Variants in CACNA2D3 observed in about 807,000 individuals in gnomAD.
The protein encoded by CACNA2D3 is voltage-dependent calcium channel subunit alpha-2/delta-3.
CACNA2D3 carries 60 observed loss-of-function variants against 160.6 expected under a neutral mutation model. The ratio of observed to expected loss-of-function variants is 0.37; its 90% CI spans 0.30 to 0.46. The LOEUF (loss-of-function observed/expected upper bound fraction) is 0.46, where lower values mean the gene tolerates loss of function less well. CACNA2D3 is among the 20% of genes least tolerant of loss of function. The probability of loss-of-function intolerance (pLI) is 1.00; values close to 1 mark genes in which losing one functional copy is unlikely to be tolerated. For missense variants in CACNA2D3, 1,205 were observed against 1,365.0 expected, an observed-to-expected ratio of 0.88 and a Z score of 1.85; for synonymous variants, 558 against 492.9, an observed-to-expected ratio of 1.13 and a Z score of -1.75.
chr3:54,727,074 A>G (rs545493524), intron 11 of CACNA2D3, among the ~76,000 whole-genome samples: 218 of 152,298 alleles, frequency 1.4e-3, no homozygotes, highest in African/African-American at 5.0e-3. Flanking sequence ...GAGAAAAACA[A>G]CCCCATCAAA....
chr3:55,060,699 T>C (rs1306233777), intron 35 of CACNA2D3, among the ~76,000 whole-genome samples: 2 of 152,172 alleles, frequency 1.3e-5, no homozygotes, highest in African/African-American at 2.4e-5. Context: ...AACTCCTTAC[T>C]CTTCTTAAGG....
chr3:54,999,021 C>T (rs1702921876), intron 31 of CACNA2D3, among the ~76,000 whole-genome samples: 1 of 152,170 alleles, frequency 6.6e-6, no homozygotes, highest in African/African-American at 2.4e-5. Context: ...GCTGGGATTA[C>T]AGGCGTGAGC....
intron 31 of CACNA2D3, among the ~76,000 whole-genome samples, chr3:55,003,786 ATCTTC>A (rs1478796976): frequency 3.9e-5 from 6 of 152,140 alleles, no homozygotes; most frequent in African/African-American, 9.7e-5. Flanking sequence ...ATGAATTGTA[ATCTTC>A]TCTTCTCTGG....
chr3:55,061,617 C>T (rs1173136683), intron 35 of CACNA2D3, among the ~76,000 whole-genome samples: 1 of 152,230 alleles, frequency 6.6e-6, no homozygotes, highest in African/African-American at 2.4e-5. Context: ...CAGGTTTTCT[C>T]TATGCATTTC....
At chr3:54,681,638 T>A (rs1282704249) in intron 11 of CACNA2D3, among the ~76,000 whole-genome samples, 2 of 152,002 alleles carry the variant, frequency 1.3e-5, no homozygotes, top group Admixed American at 1.3e-4. Context: ...AGGTTGGATC[T>A]GTGGAGAAAA....
chr3:54,605,842 TATAAATA>T (rs1698597502), intron 9 of CACNA2D3, among the ~76,000 whole-genome samples: 1 of 152,234 alleles, frequency 6.6e-6, no homozygotes, highest in Non-Finnish European at 1.5e-5. Flanking sequence ...GTGTGGCATG[TATAAATA>T]ATAATCTATA....
At chr3:54,483,201 T>G (rs1425413595) in intron 4 of CACNA2D3, among the ~76,000 whole-genome samples, 1 of 152,248 alleles carries the variant, frequency 6.6e-6, no homozygotes, top group East Asian at 1.9e-4. Context: ...TTTGCACTTT[T>G]TGTATGCATT....
At chr3:54,252,188 A>G (rs1702205209) in intron 2 of CACNA2D3, among the ~76,000 whole-genome samples, 1 of 145,760 alleles carries the variant, frequency 6.9e-6, no homozygotes, top group South Asian at 2.1e-4. Flanking sequence ...TGAAGGAAAA[A>G]TCTTTGTTTT....
chr3:54,676,480 G>A (rs1700246834), intron 11 of CACNA2D3, among the ~76,000 whole-genome samples: 1 of 152,148 alleles, frequency 6.6e-6, no homozygotes, highest in South Asian at 2.1e-4. Flanking sequence ...GACATTTATT[G>A]TTGGGTTGTA....
intron 5 of CACNA2D3, among the ~76,000 whole-genome samples, chr3:54,546,343 G>A (rs1702064346): frequency 6.6e-6 from 1 of 152,174 alleles, no homozygotes; most frequent in South Asian, 2.1e-4. Context: ...TTTTGAGTAG[G>A]TGTGTTTGGT....
At chr3:54,268,150 G>T (rs6784994) in intron 2 of CACNA2D3, among the ~76,000 whole-genome samples, 1 of 151,970 alleles carries the variant, frequency 6.6e-6, no homozygotes, top group South Asian at 2.1e-4. Flanking sequence ...TTGAAAAAGA[G>T]GTTTAAAGAA....
chr3:54,678,315 C>T (rs1314952182), intron 11 of CACNA2D3, among the ~76,000 whole-genome samples: 2 of 152,042 alleles, frequency 1.3e-5, no homozygotes, highest in African/African-American at 2.4e-5. Context: ...ATAGAAGAAG[C>T]TGACAAGAAG....
intron 16 of CACNA2D3, among the ~76,000 whole-genome samples, chr3:54,840,928 T>A (rs1220034173): frequency 6.6e-6 from 1 of 151,158 alleles, no homozygotes; most frequent in Admixed American, 6.6e-5. Context: ...TTCACCATGT[T>A]AGCCAGGATG....
At chr3:54,897,408 T>C (rs1700216940) in intron 26 of CACNA2D3, among the ~76,000 whole-genome samples, 1 of 152,206 alleles carries the variant, frequency 6.6e-6, no homozygotes, top group South Asian at 2.1e-4. Context: ...GTATAAAAAA[T>C]TAAAGTCACC....
intron 2 of CACNA2D3, among the ~76,000 whole-genome samples, chr3:54,139,008 G>A (rs974825291): frequency 5.3e-5 from 8 of 152,322 alleles, no homozygotes; most frequent in African/African-American, 1.9e-4. Flanking sequence ...AGTCTGGCCT[G>A]GGGTCTGGAC....
intron 12 of CACNA2D3, among the ~76,000 whole-genome samples, chr3:54,753,878 G>A (rs1266578669): frequency 2.0e-5 from 3 of 152,044 alleles, no homozygotes; most frequent in Admixed American, 2.0e-4. Context: ...TTTGTGATGA[G>A]AATACCTAAA....
chr3:55,008,507 T>A (rs1361171581), intron 33 of CACNA2D3, among the ~76,000 whole-genome samples: 2 of 152,202 alleles, frequency 1.3e-5, no homozygotes, highest in Admixed American at 6.5e-5. Flanking sequence ...TTCCCCTGCT[T>A]ATTTCCTACA....
At chr3:54,942,425 G>A (rs1374478205) in intron 27 of CACNA2D3, among the ~76,000 whole-genome samples, 1 of 152,226 alleles carries the variant, frequency 6.6e-6, no homozygotes, top group East Asian at 1.9e-4. Context: ...GGAGAAATAA[G>A]CGAAGAGGGA....
At chr3:54,880,530 A>G (rs1699770028) in intron 20 of CACNA2D3, among the ~76,000 whole-genome samples, 2 of 152,182 alleles carry the variant, frequency 1.3e-5, no homozygotes, top group South Asian at 4.1e-4. Context: ...TGGAAGGGCG[A>G]GCAGTTTGCC....
Sources: gnomAD v4.1 joint callset for allele counts (sites outside exome capture counted in the v4.1 genomes callset) on GRCh38, gnomAD v4.1.1 for gene constraint, MANE v1.5 for transcripts, NCBI Gene and HGNC (gene_info 2026-07-23, HGNC 2026-07-21) for gene names.